The following NLRP1 variants were observed in gnomAD, a reference collection of about 807,000 sequenced individuals.
The protein encoded by NLRP1 is NACHT, LRR and PYD domains-containing protein 1.
In NLRP1, 94 loss-of-function variants were observed where a neutral mutation model predicts 136.7. The ratio of observed to expected loss-of-function variants is 0.69; its 90% CI spans 0.58 to 0.82. NLRP1 has a LOEUF of 0.82. Ranked by LOEUF, NLRP1 falls within the 40% of genes least tolerant of loss-of-function variation. The pLI is 0.00. For synonymous variants in NLRP1, 690 were observed against 725.1 expected, an observed-to-expected ratio of 0.95 and a Z score of 0.78; for missense variants, 1,575 against 1,802.7, an observed-to-expected ratio of 0.87 and a Z score of 2.29.
chr17:5,529,849 T>A (rs1910019293), intron 12 of NLRP1: 2 of 380,098 alleles, frequency 5.3e-6, no homozygotes, highest in African/African-American at 4.2e-5. Flanking sequence ...CTGATTCTGG[T>A]ATCTGTCGTT....
In NLRP1 at chr17:5,504,137, TAGC is replaced by T. The variant is rs146109783; in HGVS notation, c.4070-2268_4070-2266del. ...GGAATCCTAGGACACACATGGATGA[TAGC>T]AGCAGCAGCAGCAGCAGCCAATCAC... On this transcript the variant is annotated intron_variant, in intron 15 of 15. Coordinates refer to the NLRP1 transcript ENST00000262467. This position sits in a 1 kb window ranked among gnomAD's most constrained non-coding sequence, Gnocchi z 4.4. The T allele has an allele frequency of 1.2e-4, 19 of 156,452 alleles. No individual in the cohort carries two copies. Among genetic ancestry groups the T allele is most frequent in the East Asian group, 3.7e-4 (2 of 5,444 alleles). The allele number at this position is 156,452 out of a possible 1,614,324, so 9.7% of individuals were successfully genotyped here. A position where few individuals can be genotyped will look rare whatever the true frequency, so the allele number is the denominator to read the frequency against.
At chr17:5,517,272 T>A (rs1430656639) in intron 15 of NLRP1, among the ~76,000 whole-genome samples, 1 of 149,912 alleles carries the variant, frequency 6.7e-6, no homozygotes, top group Non-Finnish European at 1.5e-5. Context: ...AACTGTTATG[T>A]AACTTGAGAA....
chr17:5,533,284 C>A lies in NLRP1; in HGVS notation c.3133+20G>T. 1.3e-6 allele frequency: 2 copies of A among 1,551,676 alleles called. No individual in the cohort carries two copies. The highest frequency in any genetic ancestry group is 1.7e-6 in the Non-Finnish European group (2 of 1,146,874). On this transcript the variant is annotated intron_variant, in intron 10 of 16. Transcript: ENST00000572272. ...AACATGGTTCAAAAGATGAAAGGGG[C>A]CAGGCACCGTGGCTCTTGCCTGCAA... is the stretch of plus-strand genomic sequence containing the variant.
intron 4 of NLRP1, among the ~76,000 whole-genome samples, chr17:5,555,032 CA>C (rs1395413243): frequency 8.6e-5 from 13 of 151,590 alleles, no homozygotes; most frequent in African/African-American, 2.4e-4. Flanking sequence ...CACACACACA[CA>C]CACACACACA....
At chr17:5,577,644 T>C (rs1303218900) in intron 3 of NLRP1, among the ~76,000 whole-genome samples, 2 of 152,190 alleles carry the variant, frequency 1.3e-5, no homozygotes, top group African/African-American at 2.4e-5. Flanking sequence ...TCCATGCTCA[T>C]GGATAGGAAG....
At position 5,582,853 on chromosome 17, in the gene NLRP1, G is replaced by C. The variant is rs202080927; in HGVS notation, c.272-7C>G. The C allele has an allele frequency of 5.7e-4, 910 of 1,597,658 alleles. 1 individual carries two copies. Among genetic ancestry groups the C allele is most frequent in the South Asian group, 1.4e-3 (120 of 87,918 alleles). ...GGGAATGAGGGAGAGTGGCCTACAG[G>C]AAAGAGACAAAGAGGTTGGAGACAC... On this transcript the variant is annotated splice_region_variant and splice_polypyrimidine_tract_variant and intron_variant, in intron 1 of 16. Transcript: ENST00000572272.
intron 15 of NLRP1, among the ~76,000 whole-genome samples, chr17:5,515,952 G>GGT (rs1249170059): frequency 6.6e-6 from 1 of 152,132 alleles, no homozygotes; most frequent in African/African-American, 2.4e-5. Context: ...ACCAACCAAA[G>GGT]GTGTACGTTC....
chr17:5,553,023 C>T (rs1287231374), intron 5 of NLRP1, among the ~76,000 whole-genome samples: 2 of 151,496 alleles, frequency 1.3e-5, no homozygotes, highest in Non-Finnish European at 2.9e-5. Flanking sequence ...CTTATCTCAA[C>T]CCTTTGCTAT....
At chr17:5,561,023 C>T (rs1914675065) in intron 3 of NLRP1, among the ~76,000 whole-genome samples, 1 of 152,186 alleles carries the variant, frequency 6.6e-6, no homozygotes, top group African/African-American at 2.4e-5. Flanking sequence ...ATGTTCAGTG[C>T]CTCTCCCTTC....
rs1379535572 is a variant in NLRP1 at position 5,537,815 on chromosome 17, G to A, written c.2871-875C>T. Among the ~76,000 whole-genome samples, 3 of 152,338 alleles carry A rather than the reference G, an allele frequency of 2.0e-5. No individual in the cohort carries two copies. Among genetic ancestry groups the A allele is most frequent in the East Asian group, 1.9e-4 (1 of 5,184 alleles). ...AGCAGCCCAGGTTTGACAGGTAAGT[G>A]TTGAGCTGGGGCCTGAAGCCATATC... On this transcript the variant is annotated intron_variant, in intron 7 of 16. Transcript: ENST00000572272. This position sits in a 1 kb window ranked among gnomAD's most constrained non-coding sequence, Gnocchi z 4.5.
chr17:5,562,906 A>G (rs1914922202), intron 3 of NLRP1, among the ~76,000 whole-genome samples: 1 of 152,078 alleles, frequency 6.6e-6, no homozygotes, highest in South Asian at 2.1e-4. Flanking sequence ...TGGCCCCTCT[A>G]ATGCAGCAGG....
At chr17:5,547,673 C>A (rs997850116) in intron 5 of NLRP1, among the ~76,000 whole-genome samples, 1 of 152,082 alleles carries the variant, frequency 6.6e-6, no homozygotes, top group Non-Finnish European at 1.5e-5. Flanking sequence ...TGAGGTAGAA[C>A]CAGGATTCCT....
intron 7 of NLRP1, among the ~76,000 whole-genome samples, chr17:5,539,211 T>C (rs1319332071): frequency 2.6e-5 from 4 of 152,206 alleles, no homozygotes; most frequent in Non-Finnish European, 4.4e-5. Context: ...TTACAATCCA[T>C]GAAGTGGGTA....
At position 5,533,059 on chromosome 17, in the gene NLRP1, G is replaced by A. The variant is rs150192642; in HGVS notation, c.3134-75C>T. The A allele has an allele frequency of 2.3e-4, 348 of 1,503,782 alleles. No individual in the cohort carries two copies. The African/African-American group carries it at 4.4e-3, about 19-fold the overall frequency. The allele number at this position is 1,503,782 out of a possible 1,614,324, so 93.2% of individuals were successfully genotyped here. ...CCTAGCCCCTATGGCTGCACTGTAA[G>A]GGGCCCTTCCCAAGGCTGGCCTGCC... On this transcript the variant is annotated intron_variant, in intron 10 of 16. Coordinates refer to ENST00000572272, the MANE Select transcript of NLRP1 (RefSeq NM_033004.4).
intron 14 of NLRP1, among the ~76,000 whole-genome samples, chr17:5,519,333 A>G (rs960672999): frequency 6.6e-6 from 1 of 151,150 alleles, no homozygotes; most frequent in African/African-American, 2.4e-5. Flanking sequence ...TCTAGTAGAG[A>G]CTGGGTTTTG....
In NLRP1 at chr17:5,533,944, T is replaced by C; in HGVS notation, c.3005A>G (p.Glu1002Gly). ...MTPTEGLDTG[E>G]MSNSTSSLKR... ...GAGTGAGGATGTGCTATTACTCATC[T>C]CTCCCGTATCCAGGCCCTCAGTAGG... Residue 1002 changes from glutamate (E) to glycine (G), a missense_variant, in exon 9 of 17, where the codon GAG becomes GGG. Transcript: ENST00000572272. The C allele has an allele frequency of 6.2e-7, 1 of 1,613,520 alleles. No homozygotes were observed.
At chr17:5,535,859 G>A (rs1487056756) in intron 8 of NLRP1, among the ~76,000 whole-genome samples, 3 of 152,226 alleles carry the variant, frequency 2.0e-5, no homozygotes, top group African/African-American at 7.2e-5. Flanking sequence ...AGATTCCTCG[G>A]GGAAGGGAAG....
intron 14 of NLRP1, among the ~76,000 whole-genome samples, chr17:5,519,005 A>ATT (rs879327221): frequency 1.5e-5 from 2 of 137,564 alleles, no homozygotes; most frequent in Non-Finnish European, 1.6e-5. Context: ...CTCCCGGCTA[A>ATT]TTTTTTTTTT....
intron 3 of NLRP1, among the ~76,000 whole-genome samples, chr17:5,568,238 G>GT (rs898633845): frequency 1.1e-3 from 165 of 151,526 alleles, no homozygotes; most frequent in African/African-American, 3.5e-3. Flanking sequence ...GTGTTTCATT[G>GT]TTTTTTTTAT....
Sources: allele counts gnomAD v4.1 joint callset (sites outside exome capture counted in the v4.1 genomes callset), GRCh38; gene constraint gnomAD v4.1.1; non-coding constraint Gnocchi (gnomAD v3.1); transcripts MANE v1.5; gene names NCBI Gene and HGNC (gene_info 2026-07-23, HGNC 2026-07-21).